Variants in CSMD1 observed in about 807,000 individuals in gnomAD.
The protein encoded by CSMD1 is CUB and sushi domain-containing protein 1.
In CSMD1, 213 loss-of-function variants were observed where a neutral mutation model predicts 417.5. The observed-to-expected ratio is 0.51, with a 90% CI of 0.46 to 0.57. The LOEUF is 0.57. Among genes scored for constraint, CSMD1 ranks in the 20% least tolerant of loss-of-function variants. The probability of loss-of-function intolerance (pLI) is 0.00; values close to 1 mark genes in which losing one functional copy is unlikely to be tolerated. For synonymous variants in CSMD1, 2,862 were observed against 1,736.8 expected (o/e 1.65, Z -16.11); for missense variants, 6,923 against 4,529.7 (o/e 1.53, Z -15.17).
chr8:4,075,933 G>C (rs1799798415), intron 3 of CSMD1, among the ~76,000 whole-genome samples: 1 of 152,022 alleles, frequency 6.6e-6, no homozygotes, highest in African/African-American at 2.4e-5. Flanking sequence ...TATATACTAA[G>C]AAAATAAATC....
intron 7 of CSMD1, among the ~76,000 whole-genome samples, chr8:3,676,552 T>C (rs899553687): frequency 1.3e-5 from 2 of 152,240 alleles, no homozygotes; most frequent in Non-Finnish European, 2.9e-5. Flanking sequence ...ATGGTACACA[T>C]GTTCTCCCTT....
chr8:4,774,190 G>C (rs773575008), intron 1 of CSMD1, among the ~76,000 whole-genome samples: 3 of 152,072 alleles, frequency 2.0e-5, no homozygotes, highest in South Asian at 2.1e-4. Flanking sequence ...ACAGAGCGAG[G>C]CTGTCTCAAA....
chr8:3,805,436 G>C (rs773701394), intron 5 of CSMD1, among the ~76,000 whole-genome samples: 1 of 152,156 alleles, frequency 6.6e-6, no homozygotes, highest in African/African-American at 2.4e-5. Context: ...GCAGCTCTGA[G>C]TGGAGCAGAA....
intron 17 of CSMD1, among the ~76,000 whole-genome samples, chr8:3,392,379 G>A (rs1811404061): frequency 6.6e-6 from 1 of 152,136 alleles, no homozygotes; most frequent in Non-Finnish European, 1.5e-5. Context: ...ATTTTCTAGT[G>A]CCTGCATCTT....
intron 3 of CSMD1, among the ~76,000 whole-genome samples, chr8:4,131,871 T>C (rs916047121): frequency 4.7e-5 from 7 of 149,060 alleles, no homozygotes; most frequent in African/African-American, 1.7e-4. Context: ...CACGCCATTC[T>C]CCTGCCTTAG....
intron 2 of CSMD1, among the ~76,000 whole-genome samples, chr8:4,488,731 G>A (rs1801544010): frequency 6.6e-6 from 1 of 151,976 alleles, no homozygotes; most frequent in Non-Finnish European, 1.5e-5. Flanking sequence ...AGCATCCCCA[G>A]CACCAAATGG....
chr8:3,372,372 G>T (rs1810013976), intron 18 of CSMD1, among the ~76,000 whole-genome samples: 1 of 152,140 alleles, frequency 6.6e-6, no homozygotes, highest in Non-Finnish European at 1.5e-5. Flanking sequence ...TGGGGCACTG[G>T]ATGGCCCTGC....
In CSMD1 at chr8:3,785,729, G is replaced by A. The variant is rs1302624669; in HGVS notation, c.819-31687C>T. Among the ~76,000 whole-genome samples, 5 of 152,106 alleles carry A rather than the reference G, an allele frequency of 3.3e-5. No individual in the cohort carries two copies. The South Asian group carries it at 6.2e-4, about 19-fold the overall frequency. On this transcript the variant is annotated intron_variant, in intron 5 of 69. Coordinates refer to ENST00000635120, the MANE Select transcript of CSMD1 (RefSeq NM_033225.6). ...TGCTACCAAGAAGTGAGAGGCCCAG[G>A]GTGCGGGGAGCCAGGAGCTAGGAAG...
chr8:4,133,613 G>C (rs1016650828), intron 3 of CSMD1, among the ~76,000 whole-genome samples: 8 of 152,248 alleles, frequency 5.3e-5, no homozygotes, highest in African/African-American at 1.9e-4. Context: ...TTCATGCTAA[G>C]CATTGTACTA....
intron 5 of CSMD1, among the ~76,000 whole-genome samples, chr8:3,783,693 G>A (rs1394271592): frequency 2.0e-5 from 3 of 152,196 alleles, no homozygotes; most frequent in African/African-American, 7.2e-5. Flanking sequence ...GTCAAACGGA[G>A]GCTCCCCTCC....
chr8:3,269,857 T>C (rs1423509864), intron 26 of CSMD1, among the ~76,000 whole-genome samples: 2 of 152,162 alleles, frequency 1.3e-5, no homozygotes, highest in Non-Finnish European at 2.9e-5. Flanking sequence ...AGTGGACCTT[T>C]AATGGGGTTT....
chr8:4,336,465 G>C (rs1342665762), intron 3 of CSMD1, among the ~76,000 whole-genome samples: 4 of 151,602 alleles, frequency 2.6e-5, no homozygotes, highest in Non-Finnish European at 5.9e-5. Context: ...ATGTGTAGAT[G>C]TTTGAGCCTT....
At position 4,836,329 on chromosome 8, in the gene CSMD1, A is replaced by G. The variant is rs187075026; in HGVS notation, c.85+158003T>C. On this transcript the variant is annotated intron_variant, in intron 1 of 69. Coordinates refer to ENST00000635120, the MANE Select transcript of CSMD1 (RefSeq NM_033225.6). ...AATTAACACACTTTAGCAGTGCACC[A>G]TTTCCATGTCTTATGAAGACTTCTA... Among the ~76,000 whole-genome samples the G allele has an allele frequency of 2.4e-3, 368 of 152,236 alleles. 5 individuals carry two copies. Among genetic ancestry groups the G allele is most frequent in the Non-Finnish European group, 4.2e-3 (286 of 67,996 alleles).
chr8:4,269,953 G>A (rs1049295099), intron 3 of CSMD1, among the ~76,000 whole-genome samples: 1 of 152,142 alleles, frequency 6.6e-6, no homozygotes, highest in Non-Finnish European at 1.5e-5. Flanking sequence ...GGGAAACCAC[G>A]ACCTCTCTGA....
intron 2 of CSMD1, among the ~76,000 whole-genome samples, chr8:4,440,282 G>T (rs565435727): frequency 6.6e-6 from 1 of 152,162 alleles, no homozygotes; most frequent in African/African-American, 2.4e-5. Flanking sequence ...TCACAGCATT[G>T]GTACTATAAC....
intron 1 of CSMD1, among the ~76,000 whole-genome samples, chr8:4,680,338 C>T (rs777242211): frequency 1.3e-5 from 2 of 152,140 alleles, no homozygotes; most frequent in Non-Finnish European, 2.9e-5. Flanking sequence ...AGCACCGGGT[C>T]ACTTAATTCA....
chr8:4,428,246 G>C (rs1021691388), intron 2 of CSMD1, among the ~76,000 whole-genome samples: 4 of 152,094 alleles, frequency 2.6e-5, no homozygotes, highest in African/African-American at 7.2e-5. Flanking sequence ...AGACAACTAG[G>C]AGACTATCAA....
intron 17 of CSMD1, among the ~76,000 whole-genome samples, chr8:3,395,215 A>C (rs181989906): frequency 3.5e-4 from 53 of 152,330 alleles, no homozygotes; most frequent in Admixed American, 3.1e-3. Context: ...CATCTTTACA[A>C]TAGTACTTGA....
intron 10 of CSMD1, among the ~76,000 whole-genome samples, chr8:3,513,124 A>T (rs62475768): frequency 0.25 from 38,509 of 151,066 alleles, 5,170 homozygotes; most frequent in African/African-American, 0.32. Flanking sequence ...AATTATTATT[A>T]TTATTTTTTT....
Sources: gnomAD v4.1 joint callset for allele counts (sites outside exome capture counted in the v4.1 genomes callset) on GRCh38, gnomAD v4.1.1 for gene constraint, MANE v1.5 for transcripts, NCBI Gene and HGNC (gene_info 2026-07-23, HGNC 2026-07-21) for gene names.